LAMB1: variants seen among roughly 807,000 people sequenced by gnomAD.
LAMB1 encodes laminin subunit beta-1.
A neutral mutation model predicts 222.3 loss-of-function variants in LAMB1; 121 were observed. The observed-to-expected ratio is 0.54, with a 90% CI of 0.47 to 0.63. The LOEUF (loss-of-function observed/expected upper bound fraction) is 0.63, where lower values mean the gene tolerates loss of function less well. Among genes scored for constraint, LAMB1 ranks in the 30% least tolerant of loss-of-function variants. The pLI, the probability that LAMB1 is intolerant of heterozygous loss-of-function variation, is 0.00. For synonymous variants in LAMB1, 794 were observed against 807.2 expected, an observed-to-expected ratio of 0.98 and a Z score of 0.28; for missense variants, 2,172 against 2,240.8, an observed-to-expected ratio of 0.97 and a Z score of 0.62.
At chr7:107,964,957 C>G (rs1259532438) in intron 13 of LAMB1, among the ~76,000 whole-genome samples, 1 of 152,204 alleles carries the variant, frequency 6.6e-6, no homozygotes, top group South Asian at 2.1e-4. Context: ...AGGTTTTCCA[C>G]ATCCCAAACC....
In LAMB1 at chr7:107,932,663, T is replaced by C. The variant is rs915566729; in HGVS notation, c.4189-286A>G. The stretch of plus-strand genomic sequence containing the variant: ...CTGCCCAGGATGCAAACATCTGCTA[T>C]ATCAAGTTGAATTCTGCCAGTGCAA... On this transcript the variant is annotated intron_variant, in intron 27 of 33. Transcript: ENST00000222399. 16 of 436,214 alleles carry C rather than the reference T, an allele frequency of 3.7e-5. No homozygotes were observed. In the East Asian group the frequency reaches 5.5e-4, roughly 15 times the overall value. The allele number at this position is 436,214 out of a possible 1,614,324, so 27.0% of individuals were successfully genotyped here. A position where few individuals can be genotyped will look rare whatever the true frequency, so the allele number is the denominator to read the frequency against.
intron 7 of LAMB1, among the ~76,000 whole-genome samples, chr7:107,985,654 A>G (rs756259468): frequency 1.3e-5 from 2 of 148,388 alleles, no homozygotes; most frequent in Non-Finnish European, 3.0e-5. Context: ...AAACAAAACA[A>G]ACAAACAAAA....
chr7:108,000,828 C>A (rs2034368922), intron 3 of LAMB1, among the ~76,000 whole-genome samples: 2 of 152,232 alleles, frequency 1.3e-5, no homozygotes, highest in Admixed American at 1.3e-4. Context: ...AGGCATGGAG[C>A]CATTTTGCTC....
At chr7:107,939,367 T>C (rs1478239407) in intron 25 of LAMB1, among the ~76,000 whole-genome samples, 1 of 152,138 alleles carries the variant, frequency 6.6e-6, no homozygotes, top group South Asian at 2.1e-4. Flanking sequence ...ATGAGGACTT[T>C]TCAGCATAGA....
At chr7:107,993,032 G>A (rs1386492723) in intron 5 of LAMB1, among the ~76,000 whole-genome samples, 1 of 152,194 alleles carries the variant, frequency 6.6e-6, no homozygotes, top group Non-Finnish European at 1.5e-5. Context: ...GGAGCAGGCA[G>A]GGATTCACAC....
chr7:107,925,365 A>G (rs1310079398), intron 32 of LAMB1, among the ~76,000 whole-genome samples: 3 of 152,108 alleles, frequency 2.0e-5, no homozygotes, highest in Non-Finnish European at 4.4e-5. Context: ...TAGGAGCACG[A>G]ATCCTATTGG....
chr7:107,962,367 AG>A (rs2033523946), intron 15 of LAMB1, among the ~76,000 whole-genome samples: 1 of 152,236 alleles, frequency 6.6e-6, no homozygotes, highest in Admixed American at 6.5e-5. Context: ...GTCGTCAGCA[AG>A]GTTGAGTGCC....
intron 21 of LAMB1, 126 bp downstream of exon 21, chr7:107,955,341 T>G: frequency 1.2e-6 from 1 of 841,904 alleles, no homozygotes; most frequent in Non-Finnish European, 1.7e-6. Flanking sequence ...CTTTTCTAAT[T>G]TTTAATTAAA....
chr7:107,986,390 T>C (rs773816858), intron 5 of LAMB1, 27 bp from the exon 6 acceptor site: 3 of 1,550,330 alleles, frequency 1.9e-6, no homozygotes, highest in Non-Finnish European at 2.6e-6. Context: ...AAATCTCATT[T>C]GATGTTTTTT....
intron 20 of LAMB1, among the ~76,000 whole-genome samples, chr7:107,958,477 A>G (rs2033423371): frequency 6.6e-6 from 1 of 152,234 alleles, no homozygotes; most frequent in African/African-American, 2.4e-5. Context: ...ACTTGCTGCA[A>G]TGTTTCACAA....
chr7:107,949,701 C>T (rs572963527), intron 24 of LAMB1, among the ~76,000 whole-genome samples: 25 of 152,290 alleles, frequency 1.6e-4, no homozygotes, highest in Non-Finnish European at 2.9e-4. Context: ...CTAAGAGGTC[C>T]ATACAAACCC....
intron 5 of LAMB1, among the ~76,000 whole-genome samples, chr7:107,991,155 TAGC>T (rs1290439237): frequency 1.3e-5 from 2 of 152,184 alleles, no homozygotes; most frequent in East Asian, 1.9e-4. Context: ...AATAACATGA[TAGC>T]AGCAGTTATT....
In LAMB1 at chr7:107,969,976, G is replaced by A. The variant is rs1000617846; in HGVS notation, c.1562+3016C>T. On this transcript the variant is annotated intron_variant, in intron 13 of 33. Transcript: ENST00000222399. The stretch of plus-strand genomic sequence containing the variant: ...ATGATAAAAATATCTACTAACTTCC[G>A]TTCTGGATTCGAAGTACAATAAATT... Among the ~76,000 whole-genome samples, 6 of 152,266 alleles carry A rather than the reference G, an allele frequency of 3.9e-5. No homozygotes were observed. In the East Asian group the frequency reaches 7.7e-4, roughly 20 times the overall value.
In LAMB1 at chr7:107,975,243, CA is replaced by C; in HGVS notation, c.1359del (p.Phe453LeufsTer33). On this transcript the variant is annotated frameshift_variant, in exon 11 of 34. Coordinates refer to ENST00000222399, the MANE Select transcript of LAMB1 (RefSeq NM_002291.3). LOFTEE classifies it high-confidence loss of function. The stretch of plus-strand genomic sequence containing the variant: ...TAGCAAACAGACCTACATTTACAAC[CA>C]AATGGATCTTCACTGCTTAAATCAT... Reference protein sequence around the residue: ...GFYDLSSEDPFGCKSCACNPL... With the variant: ...GFYDLSSEDPXGCKSCACNPL... 6.2e-7 allele frequency: 1 copy of C among 1,611,644 alleles called. No individual in the cohort carries two copies. The highest frequency in any genetic ancestry group is 1.3e-5 in the African/African-American group (1 of 74,998).
At chr7:107,929,846 T>G (rs2032662989) in intron 29 of LAMB1, 1 of 563,296 alleles carries the variant, frequency 1.8e-6, no homozygotes, top group South Asian at 2.1e-5. Context: ...GAATTTGTTT[T>G]AGGCTGGGTA....
intron 13 of LAMB1, among the ~76,000 whole-genome samples, chr7:107,968,862 CATAGAACTGGAAAATAATAAACTT>C (rs1338803393): frequency 6.6e-6 from 1 of 152,122 alleles, no homozygotes; most frequent in Non-Finnish European, 1.5e-5. Flanking sequence ...GTATTTGACA[CATAGAACTGGAAAATAATAAACTT>C]ATATTGTTTT....
At chr7:107,929,381 T>C (rs1409160228) in intron 30 of LAMB1, 31 bp downstream of exon 30, 2 of 1,585,190 alleles carry the variant, frequency 1.3e-6, no homozygotes, top group Non-Finnish European at 1.7e-6. Flanking sequence ...ATACACAAAA[T>C]AAGCCCCTTA....
chr7:107,925,809 G>A (rs2032548478), intron 32 of LAMB1, among the ~76,000 whole-genome samples: 1 of 150,610 alleles, frequency 6.6e-6, no homozygotes, highest in Non-Finnish European at 1.5e-5. Flanking sequence ...CAAATGGCCT[G>A]ATAATTACTA....
At chr7:107,976,805 C>A (rs768164477) in intron 9 of LAMB1, among the ~76,000 whole-genome samples, 36 of 151,424 alleles carry the variant, frequency 2.4e-4, no homozygotes, top group Admixed American at 4.6e-4. Flanking sequence ...TCCCTCCCAT[C>A]TTCCTTCCTC....
Sources: allele counts gnomAD v4.1 joint callset (sites outside exome capture counted in the v4.1 genomes callset), GRCh38; gene constraint gnomAD v4.1.1; transcripts MANE v1.5; gene names NCBI Gene and HGNC (gene_info 2026-07-23, HGNC 2026-07-21).